The following HRG variants were observed in gnomAD, a reference collection of about 807,000 sequenced individuals.
HRG encodes the protein histidine-rich glycoprotein.
In HRG, 26 loss-of-function variants were observed where a neutral mutation model predicts 29.5. The observed-to-expected ratio is 0.88, with a 90% confidence interval of 0.65 to 1.22. The LOEUF (loss-of-function observed/expected upper bound fraction) is 1.22. Among genes scored for constraint, HRG ranks in the 50% most tolerant of loss-of-function variants. The probability of loss-of-function intolerance (pLI) is 0.00; values close to 1 mark genes in which losing one functional copy is unlikely to be tolerated. For missense variants in HRG, 671 were observed against 654.5 expected (o/e 1.03, Z -0.28); for synonymous variants, 243 against 240.4 (o/e 1.01, Z -0.10).
intron 6 of HRG, among the ~76,000 whole-genome samples, chr3:186,675,637 A>T (rs1486511661): frequency 1.3e-5 from 2 of 152,160 alleles, no homozygotes; most frequent in Non-Finnish European, 2.9e-5. Flanking sequence ...TAAGAGGAAT[A>T]TATCAGCCTC....
chr3:186,666,213 T>A lies in HRG; in HGVS notation c.182T>A (p.Val61Glu). The change falls in exon 1 of 7, where the codon GTG (valine) becomes GAG (glutamate). Residue 61 changes from valine to glutamate, a missense_variant and splice_region_variant. By Grantham distance (121) the Val-to-Glu change is moderately radical (BLOSUM62 -2). Transcript: ENST00000232003. The part of the protein sequence containing the change: ...LRIADAHLDR[V>E]ENTTVYYLVL... ...ATTGCTGATGCCCACTTGGACAGAG[T>A]GGTGAGGAATTGCCAATGGCAGAGC... 1.2e-6 allele frequency: 2 copies of A among 1,613,654 alleles called. No homozygotes were observed. Among genetic ancestry groups the A allele is most frequent in the African/African-American group, 2.7e-5 (2 of 74,994 alleles).
At chr3:186,668,665 C>T (rs1260578990) in intron 1 of HRG, 3 of 435,886 alleles carry the variant, frequency 6.9e-6, no homozygotes, top group East Asian at 9.4e-5. Context: ...GGTGATGATG[C>T]CTCCGCTAAA....
chr3:186,674,354 G>A (rs1178672453), intron 5 of HRG: 11 of 157,310 alleles, frequency 7.0e-5, no homozygotes, highest in Admixed American at 6.6e-4. Context: ...TGAGTACATA[G>A]TATTATCCCC....
At chr3:186,674,043 A>G (rs1288666520) in intron 5 of HRG, 2 of 152,214 alleles carry the variant, frequency 1.3e-5, no homozygotes, top group Admixed American at 6.5e-5. Context: ...AATTTTAATT[A>G]TGATGCCAAG....
intron 1 of HRG, 117 bp from the exon 2 acceptor site, chr3:186,668,816 CAA>C (rs1718690664): frequency 1.4e-6 from 1 of 691,056 alleles, no homozygotes; most frequent in South Asian, 1.6e-5. Flanking sequence ...AGAGCATCTG[CAA>C]AGACAGTGAG....
chr3:186,669,335 C>A (rs1579074078), intron 2 of HRG, among the ~76,000 whole-genome samples: 4 of 152,244 alleles, frequency 2.6e-5, no homozygotes, highest in Middle Eastern at 3.4e-3. Flanking sequence ...TGTTTTTTGA[C>A]TGTAAAATAA....
chr3:186,677,169 TC>T lies in HRG; in HGVS notation c.868del (p.His290ThrfsTer149), dbSNP rs771034089. The T allele has an allele frequency of 1.1e-4, 171 of 1,613,464 alleles. No homozygotes were observed. Among genetic ancestry groups the T allele is most frequent in the Non-Finnish European group, 1.1e-4 (133 of 1,179,952 alleles). ...CCCATGGATCTAGAGATCATCATCA[TC>T]CCCACAAGCCACACGAACATGGACC... ...KPHGSRDHHH[P>X]HKPHEHGPPP... On this transcript the variant is annotated frameshift_variant, in exon 7 of 7. Coordinates refer to ENST00000232003, the MANE Select transcript of HRG (RefSeq NM_000412.5). LOFTEE classifies it low-confidence loss of function (END_TRUNC).
chr3:186,669,184 T>C, intron 2 of HRG, 133 bp downstream of exon 2: 4 of 758,470 alleles, frequency 5.3e-6, no homozygotes, highest in Non-Finnish European at 9.7e-6. Flanking sequence ...ATGAAGATGA[T>C]GTTAACCTTG....
chr3:186,677,383 C>A lies in HRG; in HGVS notation c.1078C>A (p.His360Asn). 2 of 1,613,290 alleles carry A rather than the reference C, an allele frequency of 1.2e-6. No individual in the cohort carries two copies. Among genetic ancestry groups the A allele is most frequent in the Non-Finnish European group, 1.7e-6 (2 of 1,179,648 alleles). ...CCATAAGCATCATTCCCATGAACAG[C>A]ATCCCCACGGACACCATCCCCATGC... ...HPHKHHSHEQ[H>N]PHGHHPHAHH... Residue 360 changes from histidine (H) to asparagine (N), a missense_variant, in exon 7 of 7, where the codon CAT (histidine) becomes AAT (asparagine). Physicochemically the swap from His to Asn is moderately conservative, Grantham distance 68. Coordinates refer to ENST00000232003, the MANE Select transcript of HRG (RefSeq NM_000412.5).
At chr3:186,671,496 C>A in intron 3 of HRG, 127 bp from the exon 4 acceptor site, 1 of 928,126 alleles carries the variant, frequency 1.1e-6, no homozygotes, top group Non-Finnish European at 1.8e-6. Context: ...GATCTTGAAG[C>A]AGTTACTCAG....
chr3:186,673,889 C>T (rs905021408), intron 5 of HRG: 2 of 152,180 alleles, frequency 1.3e-5, no homozygotes, highest in African/African-American at 4.8e-5. Context: ...AGAAACACCT[C>T]CACATCTGTT....
chr3:186,673,738 C>T (rs566934674), intron 5 of HRG: 62 of 152,276 alleles, frequency 4.1e-4, no homozygotes, highest in African/African-American at 1.3e-3. Flanking sequence ...ATGTTCACAA[C>T]CAAGCTGAGA....
chr3:186,676,522 C>T lies in HRG; in HGVS notation c.742-525C>T, dbSNP rs1246376606. Among the ~76,000 whole-genome samples the T allele has an allele frequency of 2.0e-5, 3 of 151,616 alleles. No homozygotes were observed. In the East Asian group the frequency reaches 5.8e-4, roughly 29 times the overall value. The stretch of plus-strand genomic sequence containing the variant: ...GGGCATGGTGGCTCATGCCTGTAAT[C>T]CCAGCACTTTGGGAAGCTGAGATGG... On this transcript the variant is annotated intron_variant, in intron 6 of 6. Transcript: ENST00000232003.
chr3:186,675,080 C>T lies in HRG; in HGVS notation c.640-9C>T. 1.3e-6 allele frequency: 2 copies of T among 1,594,606 alleles called. No homozygotes were observed. The highest frequency in any genetic ancestry group is 1.7e-6 in the Non-Finnish European group (2 of 1,162,354). On this transcript the variant is annotated splice_polypyrimidine_tract_variant and intron_variant, in intron 5 of 6. Coordinates refer to ENST00000232003, the MANE Select transcript of HRG (RefSeq NM_000412.5). ...ACACACACACTAACAGCTCCTCATTCCTTTGTAGGTCTTTGGATTCTGCAG... is the reference window on the plus strand; with the variant it reads ...ACACACACACTAACAGCTCCTCATTTCTTTGTAGGTCTTTGGATTCTGCAG...
chr3:186,674,830 A>G (rs1461644616), intron 5 of HRG: 5 of 439,844 alleles, frequency 1.1e-5, no homozygotes, highest in East Asian at 5.0e-5. Flanking sequence ...CATCATTTCC[A>G]TCACCCATGG....
At chr3:186,671,287 T>C (rs559877443) in intron 3 of HRG, among the ~76,000 whole-genome samples, 1 of 147,816 alleles carries the variant, frequency 6.8e-6, no homozygotes, top group African/African-American at 2.5e-5. Context: ...TATATAAATA[T>C]ATAATAGATA....
chr3:186,671,472 C>T lies in HRG; in HGVS notation c.392-151C>T. 4.9e-6 allele frequency: 4 copies of T among 810,988 alleles called. No individual in the cohort carries two copies. The East Asian group carries it at 7.5e-5, about 15-fold the overall frequency. The allele number at this position is 810,988 out of a possible 1,614,324, so 50.2% of individuals were successfully genotyped here. A position where few individuals can be genotyped will look rare whatever the true frequency, so the allele number is the denominator to read the frequency against. On this transcript the variant is annotated intron_variant, in intron 3 of 6. Transcript: ENST00000232003. The stretch of plus-strand genomic sequence containing the variant: ...AAGAATCAGCAGTTTAGTTCGGTTG[C>T]CAAATGGCTGATTGATCTTGAAGCA...
intron 5 of HRG, chr3:186,673,306 G>A: frequency 1.1e-5 from 3 of 281,112 alleles, no homozygotes; most frequent in South Asian, 7.8e-5. Context: ...GTTTCACCAT[G>A]TTGATCAGGT....
chr3:186,672,500 TAAATG>T (rs1300097927), intron 4 of HRG, among the ~76,000 whole-genome samples: 2 of 152,138 alleles, frequency 1.3e-5, no homozygotes, highest in Non-Finnish European at 2.9e-5. Context: ...ACACATCAAA[TAAATG>T]AGAATGAAAA....
Sources: gnomAD v4.1 joint callset for allele counts (sites outside exome capture counted in the v4.1 genomes callset) on GRCh38, gnomAD v4.1.1 for gene constraint, MANE v1.5 for transcripts, NCBI Gene and HGNC (gene_info 2026-07-23, HGNC 2026-07-21) for gene names.